The following TTC39B variants were observed in gnomAD, a reference collection of about 807,000 sequenced individuals.
The protein encoded by TTC39B is tetratricopeptide repeat protein 39B.
TTC39B carries 92 observed loss-of-function variants against 96.6 expected under a neutral mutation model. The observed-to-expected ratio is 0.95, with a 90% confidence interval of 0.80 to 1.13. The LOEUF (loss-of-function observed/expected upper bound fraction) is 1.13. TTC39B is among the 50% of genes most tolerant of loss of function. The probability of loss-of-function intolerance (pLI) is 0.00; values close to 1 mark genes in which losing one functional copy is unlikely to be tolerated. For synonymous variants in TTC39B, 367 were observed against 299.4 expected, an observed-to-expected ratio of 1.23 and a Z score of -2.33; for missense variants, 955 against 809.3, an observed-to-expected ratio of 1.18 and a Z score of -2.18.
At chr9:15,191,047 A>G (rs1359151499) in intron 10 of TTC39B, 143 bp downstream of exon 10, 4 of 665,860 alleles carry the variant, frequency 6.0e-6, no homozygotes, top group South Asian at 3.7e-5. Context: ...AACATGATCA[A>G]GAATCAAAGG....
intron 1 of TTC39B, among the ~76,000 whole-genome samples, chr9:15,276,441 G>A (rs1359315315): frequency 6.6e-5 from 10 of 152,166 alleles, no homozygotes; most frequent in African/African-American, 2.4e-4. Context: ...AGATCAGAGG[G>A]GAAAGTGCCT....
intron 1 of TTC39B, among the ~76,000 whole-genome samples, chr9:15,271,304 T>A (rs552800062): frequency 6.6e-6 from 1 of 152,316 alleles, no homozygotes; most frequent in East Asian, 1.9e-4. Flanking sequence ...AAGTTACATG[T>A]TGACTTACAG....
chr9:15,196,539 G>A (rs1057474777), intron 8 of TTC39B, among the ~76,000 whole-genome samples: 1 of 152,216 alleles, frequency 6.6e-6, no homozygotes, highest in Admixed American at 6.5e-5. Context: ...GAAACAGAAA[G>A]AGAACTAGAA....
chr9:15,188,065 T>G (rs1818636617), exon 14 of TTC39B: 2 of 1,612,266 alleles, frequency 1.2e-6, no homozygotes, highest in Non-Finnish European at 1.7e-6. Context: ...TAGCTCCCAG[T>G]AGCAGAGATG....
rs151264870 is a variant in TTC39B, at chr9:15,287,231, C to T, written c.241-19283G>A. Among the ~76,000 whole-genome samples the T allele has an allele frequency of 1.4e-3, 220 of 152,260 alleles. 1 individual carries two copies. The highest frequency in any genetic ancestry group is 4.5e-3 in the African/African-American group (185 of 41,548). ...ATCAGTATTTGTATGACAATAATAG[C>T]GTACATGGCTAAAACACTATCTCTT... On this transcript the variant is annotated intron_variant, in intron 1 of 19. Coordinates refer to ENST00000512701, the Ensembl canonical transcript of TTC39B.
chr9:15,200,041 T>G (rs1308920471), intron 7 of TTC39B, 116 bp from the exon 8 acceptor site: 4 of 563,334 alleles, frequency 7.1e-6, no homozygotes, highest in Non-Finnish European at 1.2e-5. Context: ...AAAAAGTATT[T>G]TGAGGACATA....
At chr9:15,295,721 T>C (rs1048144783) in intron 1 of TTC39B, among the ~76,000 whole-genome samples, 23 of 152,342 alleles carry the variant, frequency 1.5e-4, no homozygotes, top group South Asian at 6.2e-4. Context: ...GACTTCATCC[T>C]TCATAAATGA....
intron 2 of TTC39B, among the ~76,000 whole-genome samples, chr9:15,245,631 A>G (rs1223326721): frequency 6.6e-6 from 1 of 152,232 alleles, no homozygotes; most frequent in East Asian, 1.9e-4. Context: ...TAAGAAAACA[A>G]TGACTACAGC....
At chr9:15,179,198 A>C (rs1422104412) in intron 17 of TTC39B, among the ~76,000 whole-genome samples, 1 of 152,200 alleles carries the variant, frequency 6.6e-6, no homozygotes, top group Non-Finnish European at 1.5e-5. Context: ...ATTTTTTTGC[A>C]AGTTACAGGC....
intron 1 of TTC39B, among the ~76,000 whole-genome samples, chr9:15,295,902 G>A (rs1237214861): frequency 6.6e-6 from 1 of 152,148 alleles, no homozygotes; most frequent in Non-Finnish European, 1.5e-5. Context: ...TGACATATGA[G>A]TACTTTTGGG....
intron 8 of TTC39B, among the ~76,000 whole-genome samples, chr9:15,193,706 T>G (rs1041521764): frequency 6.6e-5 from 10 of 152,246 alleles, no homozygotes; most frequent in African/African-American, 2.4e-4. Context: ...ATTTCTGATT[T>G]TATGCCATAG....
In TTC39B at chr9:15,185,317, G is replaced by C. The variant is rs141729794; in HGVS notation, c.1577C>G (p.Ser526Cys). ...GATGAGCTTCACAGGTGCAGGTAAG[G>C]AGGCGGAGTAACGCCGAGCCTTCCT... The change falls in exon 16 of 20, where the codon TCC becomes TGC. Residue 526 changes from serine to cysteine, a missense_variant. Coordinates refer to ENST00000512701, the Ensembl canonical transcript of TTC39B. The C allele has an allele frequency of 5.6e-6, 9 of 1,613,628 alleles. No individual in the cohort carries two copies. In the African/African-American group the frequency reaches 1.1e-4, roughly 19 times the overall value.
intron 16 of TTC39B, among the ~76,000 whole-genome samples, chr9:15,184,339 T>A (rs1290705080): frequency 2.0e-5 from 3 of 151,208 alleles, no homozygotes; most frequent in African/African-American, 7.3e-5. Context: ...AAAAAGAGGA[T>A]ATTCATTGCA....
chr9:15,304,031 C>G (rs950540491), intron 1 of TTC39B, among the ~76,000 whole-genome samples: 3 of 152,128 alleles, frequency 2.0e-5, no homozygotes, highest in African/African-American at 7.2e-5. Context: ...TATTGGTGAG[C>G]TGAATAATCT....
chr9:15,185,452 C>A, intron 15 of TTC39B, 46 bp from the exon 16 acceptor site: 1 of 1,607,430 alleles, frequency 6.2e-7, no homozygotes, highest in Non-Finnish European at 8.5e-7. Context: ...CATGGCAACA[C>A]ATACATTATT....
At chr9:15,176,219 A>G (rs565284600) in intron 18 of TTC39B, among the ~76,000 whole-genome samples, 9 of 152,306 alleles carry the variant, frequency 5.9e-5, no homozygotes, top group South Asian at 4.1e-4. Context: ...AAAAACTCCA[A>G]TGAAGGTGAG....
At chr9:15,188,065 T>C in exon 14 of TTC39B, 8 of 1,612,266 alleles carry the variant, frequency 5.0e-6, no homozygotes, top group Non-Finnish European at 6.8e-6. Context: ...TAGCTCCCAG[T>C]AGCAGAGATG....
intron 1 of TTC39B, among the ~76,000 whole-genome samples, chr9:15,286,682 T>G (rs1190136468): frequency 1.3e-5 from 2 of 152,196 alleles, no homozygotes; most frequent in Non-Finnish European, 2.9e-5. Flanking sequence ...GACTCATTAT[T>G]TACAATGACG....
At chr9:15,262,801 G>A (rs1822990162) in intron 2 of TTC39B, among the ~76,000 whole-genome samples, 1 of 152,148 alleles carries the variant, frequency 6.6e-6, no homozygotes, top group Admixed American at 6.5e-5. Context: ...CATCAGGTTG[G>A]CAAGAGCACT....
Sources: allele counts gnomAD v4.1 joint callset (sites outside exome capture counted in the v4.1 genomes callset), GRCh38; gene constraint gnomAD v4.1.1; transcripts MANE v1.5; gene names NCBI Gene and HGNC (gene_info 2026-07-23, HGNC 2026-07-21).